The following ABCA12 variants were observed in gnomAD, a reference collection of about 807,000 sequenced individuals.
The protein encoded by ABCA12 is ATP binding cassette subfamily A member 12.
In ABCA12, 156 loss-of-function variants were observed where a neutral mutation model predicts 293.5. The observed-to-expected ratio is 0.53, with a 90% CI of 0.47 to 0.61. The LOEUF is 0.61. ABCA12 is among the 20% of genes least tolerant of loss of function. ABCA12 has a pLI of 0.00. For missense variants in ABCA12, 2,797 were observed against 3,090.2 expected (o/e 0.91, Z 2.25); for synonymous variants, 1,063 against 1,108.0 (o/e 0.96, Z 0.81).
rs753933252 is a variant in ABCA12, at chr2:214,942,971, T to C, written c.7390A>G (p.Asn2464Asp). ...ALCTRLAIMVNGKFQCIGSLQ... is the reference protein window; with the variant it reads ...ALCTRLAIMVDGKFQCIGSLQ... ...GATCCAATACATTGAAACTTTCCAT[T>C]CACCATAATGGCCAACCTGGTACAG... is the stretch of plus-strand genomic sequence containing the variant. The change falls in exon 50 of 53, where the codon AAT becomes GAT. Residue 2464 changes from asparagine (N) to aspartate (D), a missense_variant. By Grantham distance (23) the Asn-to-Asp change is conservative. This residue lies in a region of ABCA12 where 2,130 missense variants were observed against 2,427.0 expected (regional missense o/e 0.88). Transcript: ENST00000272895. 1 of 1,613,550 alleles carries C rather than the reference T, an allele frequency of 6.2e-7. No homozygotes were observed. The highest frequency in any genetic ancestry group is 1.1e-5 in the South Asian group (1 of 91,072).
rs1575010891 is a variant in ABCA12, at chr2:215,050,173, G to T, written c.508-362C>A. Among the ~76,000 whole-genome samples, 3 of 152,198 alleles carry T rather than the reference G, an allele frequency of 2.0e-5. No individual in the cohort carries two copies. The South Asian group carries it at 6.2e-4, about 32-fold the overall frequency. On this transcript the variant is annotated intron_variant, in intron 5 of 52. Transcript: ENST00000272895. ...CTGGACATTGAGTAGCAGAAACTCA[G>T]GTGTCCTAACTCTTCATGGCACTCA...
chr2:215,066,076 A>G (rs1345030573), intron 2 of ABCA12, among the ~76,000 whole-genome samples: 1 of 152,142 alleles, frequency 6.6e-6, no homozygotes, highest in East Asian at 1.9e-4. Flanking sequence ...AATAGAGAGT[A>G]GCTGCTAAAC....
At chr2:215,030,035 T>C (rs980498894) in intron 9 of ABCA12, 1 of 152,176 alleles carries the variant, frequency 6.6e-6, no homozygotes, top group Non-Finnish European at 1.5e-5. Flanking sequence ...AGTCTGAAGA[T>C]AAGAAATCCC....
At chr2:214,948,920 C>T (rs996867529) in intron 46 of ABCA12, 120 bp downstream of exon 46, 2 of 1,140,336 alleles carry the variant, frequency 1.8e-6, no homozygotes, top group South Asian at 2.6e-5. Context: ...ACCTTAATAG[C>T]TTTGTTCTCC....
At chr2:214,962,465 C>A (rs766599710) in intron 39 of ABCA12, 10 of 152,066 alleles carry the variant, frequency 6.6e-5, no homozygotes, top group Admixed American at 6.6e-5. Flanking sequence ...CAATGAATGG[C>A]AATGCTTTTG....
intron 38 of ABCA12, among the ~76,000 whole-genome samples, chr2:214,967,492 A>C (rs563440119): frequency 6.6e-6 from 1 of 152,312 alleles, no homozygotes; most frequent in South Asian, 2.1e-4. Context: ...AGAGAGATTT[A>C]ATATACTGGT....
intron 2 of ABCA12, among the ~76,000 whole-genome samples, chr2:215,100,944 T>C (rs939312945): frequency 5.3e-5 from 8 of 152,202 alleles, no homozygotes; most frequent in African/African-American, 1.9e-4. Flanking sequence ...GAAATCATCT[T>C]GGAAAAGCAC....
At chr2:214,996,226 C>T (rs1700029403) in intron 23 of ABCA12, among the ~76,000 whole-genome samples, 1 of 152,132 alleles carries the variant, frequency 6.6e-6, no homozygotes, top group African/African-American at 2.4e-5. Flanking sequence ...TGGTGACATA[C>T]ATAGATGCAT....
At chr2:215,061,100 G>A (rs1403760958) in intron 3 of ABCA12, among the ~76,000 whole-genome samples, 3 of 152,054 alleles carry the variant, frequency 2.0e-5, no homozygotes, top group Non-Finnish European at 4.4e-5. Flanking sequence ...GAGAGGCAGT[G>A]TAAGGAGGAA....
Position 214,951,036 on chromosome 2 carries a change from T to C in ABCA12, c.6695A>G (p.Asp2232Gly), listed in dbSNP as rs200553166. 157 of 1,614,180 alleles carry C rather than the reference T, an allele frequency of 9.7e-5. No homozygotes were observed. In the East Asian group the frequency reaches 1.4e-3, roughly 14 times the overall value. Residue 2232 changes from aspartate to glycine, a missense_variant, in exon 45 of 53, where the codon GAT (aspartate) becomes GGT (glycine). Asp to Gly is a moderately conservative substitution (Grantham distance 94). This residue lies in a region of ABCA12 where 2,130 missense variants were observed against 2,427.0 expected (regional missense o/e 0.88). Transcript: ENST00000272895. Reference sequence around the variant, plus strand: ...CTCAGCCCGCACATCTTCATCCTCATCTATTGTCTCCCTTACATGTGAAGA... The same window carrying C: ...CTCAGCCCGCACATCTTCATCCTCACCTATTGTCTCCCTTACATGTGAAGA... ...FNSSHVRETI[D>G]EDEDVRAERL...
intron 1 of ABCA12, among the ~76,000 whole-genome samples, chr2:215,122,113 A>G (rs1702818962): frequency 6.6e-6 from 1 of 152,220 alleles, no homozygotes; most frequent in Non-Finnish European, 1.5e-5. Context: ...TGGTGTTTAC[A>G]GAAGCAACGG....
At chr2:214,944,583 A>G (rs1453262300) in intron 49 of ABCA12, among the ~76,000 whole-genome samples, 1 of 152,036 alleles carries the variant, frequency 6.6e-6, no homozygotes, top group Non-Finnish European at 1.5e-5. Flanking sequence ...GAGCATTTAG[A>G]TGAGGCCATA....
intron 2 of ABCA12, among the ~76,000 whole-genome samples, chr2:215,079,955 G>A (rs1402804102): frequency 1.3e-5 from 2 of 152,044 alleles, no homozygotes; most frequent in Non-Finnish European, 2.9e-5. Flanking sequence ...ACCATTTATC[G>A]TATTCCTAAT....
chr2:214,995,486 G>A (rs1700012857), intron 23 of ABCA12, among the ~76,000 whole-genome samples: 1 of 152,140 alleles, frequency 6.6e-6, no homozygotes, highest in Non-Finnish European at 1.5e-5. Context: ...TCTGGAAGAG[G>A]ATTGGTTGGA....
Position 215,018,034 on chromosome 2 carries a change from T to C in ABCA12, c.1756A>G (p.Ile586Val), listed in dbSNP as rs1700544769. ...TCAGCTCTATTATCAGGGATGGGAA[T>C]GGCCAGCAACTTGTCAATAGTCCTG... ...SNRTIDKLLA[I>V]PIPDNRAEII... Residue 586 changes from isoleucine to valine, a missense_variant, in exon 14 of 53, where the codon ATT becomes GTT. Around this residue, in one of 3 missense-constraint regions of ABCA12, gnomAD observed 2,130 missense variants for 2,427.0 expected, o/e 0.88. Transcript: ENST00000272895. The C allele has an allele frequency of 1.9e-6, 3 of 1,614,074 alleles. No homozygotes were observed. The African/African-American group carries it at 4.0e-5, about 22-fold the overall frequency.
intron 44 of ABCA12, among the ~76,000 whole-genome samples, chr2:214,952,632 C>G (rs1262650486): frequency 2.6e-5 from 4 of 152,188 alleles, no homozygotes; most frequent in Admixed American, 6.5e-5. Context: ...CCATTCCAAT[C>G]TGCACTCCAT....
chr2:214,978,371 G>A lies in ABCA12; in HGVS notation c.5073C>T (p.Gly1691=). The change falls in exon 33 of 53, where the codon GGC becomes GGT. Residue 1691 remains glycine, a synonymous_variant. Transcript: ENST00000272895. ...CAGATAAATCGTCAGGAGTTGAGAT[G>A]CCATTGGCATTGGAATTCCCAATTT... The part of the protein sequence containing the change: ...QKKIGNSNAN[G]ISTPDDLSVS... 6.2e-7 allele frequency: 1 copy of A among 1,614,014 alleles called. No homozygotes were observed. The highest frequency in any genetic ancestry group is 8.5e-7 in the Non-Finnish European group (1 of 1,179,948).
chr2:214,998,170 G>T (rs571525936), intron 22 of ABCA12, among the ~76,000 whole-genome samples: 1 of 152,192 alleles, frequency 6.6e-6, no homozygotes, highest in Non-Finnish European at 1.5e-5. Context: ...CTAAAAGGCA[G>T]ATTTAAAATG....
In ABCA12 at chr2:215,103,266, T is replaced by G. The variant is rs904403364; in HGVS notation, c.163+8331A>C. Among the ~76,000 whole-genome samples, 6 of 94,622 alleles carry G rather than the reference T, an allele frequency of 6.3e-5. No homozygotes were observed. In the East Asian group the frequency reaches 2.2e-3, roughly 35 times the overall value. The allele number at this position is 94,622 out of a possible 152,430, so 62.1% of individuals were successfully genotyped here. A position where few individuals can be genotyped will look rare whatever the true frequency, so the allele number is the denominator to read the frequency against. On this transcript the variant is annotated intron_variant, in intron 2 of 52. Transcript: ENST00000272895. The stretch of plus-strand genomic sequence containing the variant: ...TTAACAATGTCTCTTAAAATTTCTT[T>G]CTTTTTTTTTTTTTTTTTTTGAGAC...
Sources: allele counts gnomAD v4.1 joint callset (sites outside exome capture counted in the v4.1 genomes callset), GRCh38; gene constraint gnomAD v4.1.1; regional missense constraint gnomAD v4.1.1; transcripts MANE v1.5; gene names NCBI Gene and HGNC (gene_info 2026-07-23, HGNC 2026-07-21).